The following CERS4 variants were observed in gnomAD, a reference collection of about 807,000 sequenced individuals.
CERS4 encodes LAG1 homolog, ceramide synthase 4.
Under a neutral mutation model 51.8 loss-of-function variants are expected in CERS4, and 65 were observed. The observed-to-expected ratio is 1.26, with a 90% confidence interval of 1.03 to 1.54. The LOEUF (loss-of-function observed/expected upper bound fraction) is 1.54, where lower values mean the gene tolerates loss of function less well. Among genes scored for constraint, CERS4 ranks in the 40% most tolerant of loss-of-function variants. The pLI is 0.00. For synonymous variants in CERS4, 228 were observed against 208.4 expected (o/e 1.09, Z -0.81); for missense variants, 563 against 500.4 (o/e 1.13, Z -1.19).
At chr19:8,238,538 G>C (rs907742579) in intron 2 of CERS4, 1 of 985,256 alleles carries the variant, frequency 1.0e-6, no homozygotes, top group Non-Finnish European at 1.2e-6. Context: ...AACTGCAGAA[G>C]AGACAGATGA....
At chr19:8,236,269 C>T (rs1437461811) in intron 2 of CERS4, among the ~76,000 whole-genome samples, 2 of 152,156 alleles carry the variant, frequency 1.3e-5, no homozygotes, top group Non-Finnish European at 2.9e-5. Flanking sequence ...TTTGGTGTAC[C>T]AGAGTTTTGT....
intron 2 of CERS4, among the ~76,000 whole-genome samples, chr19:8,242,515 T>C (rs1230703756): frequency 6.6e-6 from 1 of 152,176 alleles, no homozygotes; most frequent in Non-Finnish European, 1.5e-5. Flanking sequence ...GCTCCTGACA[T>C]CACAGTAAGA....
rs34267454 is a variant in CERS4 at position 8,254,875 on chromosome 19, AC to A, written c.291+267del. 2.8e-4 allele frequency among the ~76,000 whole-genome samples: 41 copies of A among 145,022 alleles called. 1 individual carries two copies. The highest frequency in any genetic ancestry group is 1.1e-3 in the South Asian group (5 of 4,418). On this transcript the variant is annotated intron_variant, in intron 4 of 11. Coordinates refer to ENST00000251363, the MANE Select transcript of CERS4 (RefSeq NM_024552.3). ...CTTCCAGCCTCCCTGGGAGATGAGGACCCCCCCCTTCCCAGCCTCCTTGGGA... is the reference window on the plus strand; with the variant it reads ...CTTCCAGCCTCCCTGGGAGATGAGGACCCCCCCTTCCCAGCCTCCTTGGGA...
At chr19:8,256,140 CTA>C in intron 6 of CERS4, 94 bp from the exon 7 acceptor site, 1 of 1,310,324 alleles carries the variant, frequency 7.6e-7, no homozygotes, top group Non-Finnish European at 1.1e-6. Context: ...AAGGTAGCAT[CTA>C]TGTGACTGTG....
intron 2 of CERS4, among the ~76,000 whole-genome samples, chr19:8,247,732 CTTTTT>C (rs370855290): frequency 2.7e-4 from 36 of 131,160 alleles, no homozygotes; most frequent in African/African-American, 8.9e-4. Context: ...ACCTCCGCAT[CTTTTT>C]TTTTTTTTTT....
At chr19:8,261,451 G>C (rs1340123517) in intron 10 of CERS4, 1 of 559,768 alleles carries the variant, frequency 1.8e-6, no homozygotes, top group Non-Finnish European at 3.2e-6. Context: ...GCTTGGGTGG[G>C]GTTCATAGTC....
intron 2 of CERS4, among the ~76,000 whole-genome samples, chr19:8,240,145 G>A (rs73008755): frequency 4.1e-4 from 63 of 152,202 alleles, no homozygotes; most frequent in Non-Finnish European, 7.4e-4. Flanking sequence ...TGCAAACATG[G>A]TACAAGTGAG....
chr19:8,220,586 T>G (rs1967491331), intron 2 of CERS4, among the ~76,000 whole-genome samples: 1 of 152,076 alleles, frequency 6.6e-6, no homozygotes, highest in African/African-American at 2.4e-5. Context: ...AATACAGGCA[T>G]GAGCCACCGC....
chr19:8,223,946 A>C (rs1967668106), intron 2 of CERS4, among the ~76,000 whole-genome samples: 1 of 149,748 alleles, frequency 6.7e-6, no homozygotes, highest in Non-Finnish European at 1.5e-5. Flanking sequence ...TAAAAATACA[A>C]AAAAAATTAG....
chr19:8,229,322 G>A (rs772951528), intron 2 of CERS4, among the ~76,000 whole-genome samples: 45 of 152,054 alleles, frequency 3.0e-4, no homozygotes, highest in Non-Finnish European at 1.6e-4. Flanking sequence ...TCCCAACCCG[G>A]ACCAGCTCCC....
At position 8,257,930 on chromosome 19, in the gene CERS4, TTCC is replaced by T; in HGVS notation, c.796_798del (p.Leu266del). The T allele has an allele frequency of 6.2e-7, 1 of 1,614,072 alleles. No homozygotes were observed. The highest frequency in any genetic ancestry group is 8.5e-7 in the Non-Finnish European group (1 of 1,180,014). On this transcript the variant is annotated inframe_deletion, in exon 10 of 12. Transcript: ENST00000251363. ...GTATCAGCAAGTGTGCGACGCTCTC[TTCC>T]TCATCTTCTCCTTTGTCTTCTTCTA... is the stretch of plus-strand genomic sequence containing the variant.
intron 2 of CERS4, among the ~76,000 whole-genome samples, chr19:8,238,111 C>T (rs778652204): frequency 1.1e-4 from 16 of 152,046 alleles, no homozygotes; most frequent in Non-Finnish European, 2.1e-4. Context: ...TCCAACCCCC[C>T]AGAGACCAGA....
chr19:8,259,856 G>A (rs566801886), intron 10 of CERS4, among the ~76,000 whole-genome samples: 2 of 152,268 alleles, frequency 1.3e-5, no homozygotes, highest in Admixed American at 1.3e-4. Context: ...TGGACAGAGA[G>A]TCTCAGTCCT....
rs749213804 is a variant in CERS4, at chr19:8,257,025, G to A, written c.689G>A (p.Arg230His). 12 of 1,613,480 alleles carry A rather than the reference G, an allele frequency of 7.4e-6. No individual in the cohort carries two copies. The Admixed American group carries it at 1.2e-4, about 16-fold the overall frequency. ...TTCTCCTACAGTGCCAACCTGCTGC[G>A]CATTGGCTCTCTGGTGCTGCTGTTA... ...MTFSYSANLLRIGSLVLLLHD... is the reference protein window; with the variant it reads ...MTFSYSANLLHIGSLVLLLHD... The change falls in exon 9 of 12, where the codon CGC becomes CAC. Residue 230 changes from arginine (R) to histidine (H), a missense_variant. Coordinates refer to ENST00000251363, the MANE Select transcript of CERS4 (RefSeq NM_024552.3).
chr19:8,233,358 G>T (rs1187581814), intron 2 of CERS4, among the ~76,000 whole-genome samples: 1 of 152,016 alleles, frequency 6.6e-6, no homozygotes, highest in East Asian at 1.9e-4. Flanking sequence ...GTAGAGACGG[G>T]GTTTCACCAT....
chr19:8,248,066 G>A (rs546767673), intron 2 of CERS4, among the ~76,000 whole-genome samples: 1 of 152,200 alleles, frequency 6.6e-6, no homozygotes, highest in South Asian at 2.1e-4. Flanking sequence ...CAGCTCAGGT[G>A]GCGCCTCCTT....
intron 2 of CERS4, among the ~76,000 whole-genome samples, chr19:8,216,955 A>T (rs1477417126): frequency 1.3e-5 from 2 of 152,088 alleles, no homozygotes; most frequent in Non-Finnish European, 2.9e-5. Flanking sequence ...CACTTTCCCC[A>T]GTTGCAAAGT....
chr19:8,250,897 CAGA>C, intron 2 of CERS4, 176 bp from the exon 3 acceptor site: 6 of 1,435,150 alleles, frequency 4.2e-6, no homozygotes, highest in South Asian at 3.2e-5. Flanking sequence ...CTTCTGGGAC[CAGA>C]GGACAGTTCC....
chr19:8,262,224 G>A lies in CERS4; in HGVS notation c.*115G>A, dbSNP rs534516376. On this transcript the variant is annotated 3_prime_UTR_variant, in exon 12 of 12. Coordinates refer to ENST00000251363, the MANE Select transcript of CERS4 (RefSeq NM_024552.3). ...CTGGAGACAGGGAGGGCCCCACCCG[G>A]GGTGGGTGGGAAGGCTGATGATCTG... 3 of 1,175,146 alleles carry A rather than the reference G, an allele frequency of 2.6e-6. No homozygotes were observed. Among genetic ancestry groups the A allele is most frequent in the East Asian group, 5.6e-5 (2 of 35,676 alleles). 72.8% of individuals were successfully genotyped at this position (1,175,146 alleles called of 1,614,324 possible).
Sources: gnomAD v4.1 joint callset for allele counts (sites outside exome capture counted in the v4.1 genomes callset) on GRCh38, gnomAD v4.1.1 for gene constraint, MANE v1.5 for transcripts, NCBI Gene and HGNC (gene_info 2026-07-23, HGNC 2026-07-21) for gene names.